CDC42BPB: variants seen among roughly 807,000 people sequenced by gnomAD.
CDC42BPB encodes the protein serine/threonine-protein kinase MRCK beta.
Under a neutral mutation model 214.9 loss-of-function variants are expected in CDC42BPB, and 37 were observed. That is an observed-to-expected ratio of 0.17 (90% CI 0.13 to 0.23). CDC42BPB has a LOEUF of 0.23. Among genes scored for constraint, CDC42BPB ranks in the 10% least tolerant of loss-of-function variants. CDC42BPB has a pLI of 1.00. For synonymous variants in CDC42BPB, 931 were observed against 884.0 expected (o/e 1.05, Z -0.94); for missense variants, 1,694 against 2,227.0 (o/e 0.76, Z 4.82).
chr14:103,053,606 A>AC lies in CDC42BPB; in HGVS notation c.175+3392_175+3393insG, dbSNP rs1491301437. On this transcript the variant is annotated intron_variant, in intron 1 of 36. Transcript: ENST00000361246. Reference sequence around the variant, plus strand: ...GAAACCCCGTCTCTACTAAAAATACAAAAAAATTAGCCAGGCGTGATGGCG... The same window carrying AC: ...GAAACCCCGTCTCTACTAAAAATACACAAAAAATTAGCCAGGCGTGATGGCG... 1.5e-5 allele frequency among the ~76,000 whole-genome samples: 2 copies of AC among 136,158 alleles called. 1 individual carries two copies. Among genetic ancestry groups the AC allele is most frequent in the African/African-American group, 5.4e-5 (2 of 37,300 alleles). The allele number at this position is 136,158 out of a possible 152,430, so 89.3% of individuals were successfully genotyped here.
intron 11 of CDC42BPB, 57 bp downstream of exon 11, chr14:102,975,627 T>C: frequency 6.4e-7 from 1 of 1,555,894 alleles, no homozygotes; most frequent in Non-Finnish European, 8.8e-7. Flanking sequence ...GAAATTCCCT[T>C]TTAAGACAGT....
intron 19 of CDC42BPB, 114 bp downstream of exon 19, chr14:102,964,388 A>G (rs1248187467): frequency 7.8e-7 from 1 of 1,287,988 alleles, no homozygotes; most frequent in Non-Finnish European, 1.1e-6. Context: ...GCTCCAGCAA[A>G]CGCCGTGGCC....
At chr14:103,053,371 A>T (rs547320468) in intron 1 of CDC42BPB, among the ~76,000 whole-genome samples, 2 of 151,614 alleles carry the variant, frequency 1.3e-5, no homozygotes, top group South Asian at 4.2e-4. Context: ...AGAAAAGAAA[A>T]GAATACACAC....
In CDC42BPB at chr14:102,975,975, C is replaced by T. The variant is rs377230665; in HGVS notation, c.1295G>A (p.Arg432Gln). The change falls in exon 10 of 37, where the codon CGG becomes CAG. Residue 432 changes from arginine (R) to glutamine (Q), a missense_variant. Arg to Gln is a conservative substitution (Grantham distance 43, BLOSUM62 1). Coordinates refer to ENST00000361246, the MANE Select transcript of CDC42BPB (RefSeq NM_006035.4). ...NTLTKDEDVQRDLEHSLQMEA... is the reference protein window; with the variant it reads ...NTLTKDEDVQQDLEHSLQMEA... ...CATCTGCAGGCTGTGCTCCAGGTCC[C>T]GCTGCACATCCTCATCTTTGGTTAA... is the stretch of plus-strand genomic sequence containing the variant. 23 of 1,614,078 alleles carry T rather than the reference C, an allele frequency of 1.4e-5. No individual in the cohort carries two copies. The highest frequency in any genetic ancestry group is 6.7e-5 in the East Asian group (3 of 44,896).
Position 102,971,967 on chromosome 14 carries a change from C to T in CDC42BPB, c.1836G>A (p.Val612=), listed in dbSNP as rs1314300349. ...EEEMEVATQK[V]DAMRQEMRRA... ...TCCGCATTTCCTGCCGCATGGCGTC[C>T]ACCTTCTGCGTGGCCACCTCCATCT... is the stretch of plus-strand genomic sequence containing the variant. The change falls in exon 13 of 37, where the codon GTG becomes GTA. Residue 612 remains valine, a synonymous_variant. Transcript: ENST00000361246. 1.4e-5 allele frequency: 22 copies of T among 1,614,140 alleles called. No individual in the cohort carries two copies. The highest frequency in any genetic ancestry group is 1.9e-5 in the Non-Finnish European group (22 of 1,180,054).
Position 102,989,611 on chromosome 14 carries a change from G to A in CDC42BPB, c.597-3031C>T, listed in dbSNP as rs181759077. ...GAGCAGGCCGGGTGCGATGGCTCACGCCTGTAATCCCAACACTTTGGGAGG... is the reference window on the plus strand; with the variant it reads ...GAGCAGGCCGGGTGCGATGGCTCACACCTGTAATCCCAACACTTTGGGAGG... On this transcript the variant is annotated intron_variant, in intron 5 of 36. Transcript: ENST00000361246. 7.9e-5 allele frequency among the ~76,000 whole-genome samples: 12 copies of A among 152,272 alleles called. 1 individual carries two copies. Among genetic ancestry groups the A allele is most frequent in the African/African-American group, 2.4e-4 (10 of 41,562 alleles).
chr14:103,013,940 C>T lies in CDC42BPB; in HGVS notation c.176-1752G>A, dbSNP rs563234779. 1.1e-4 allele frequency among the ~76,000 whole-genome samples: 17 copies of T among 152,168 alleles called. No individual in the cohort carries two copies. In the South Asian group the frequency reaches 1.5e-3, roughly 13 times the overall value. On this transcript the variant is annotated intron_variant, in intron 1 of 36. Coordinates refer to ENST00000361246, the MANE Select transcript of CDC42BPB (RefSeq NM_006035.4). ...CGGCACTTTGGGAGGCCGAGGCGGG[C>T]GGATCACGAGGTCAGGAGATCAAGA...
intron 2 of CDC42BPB, among the ~76,000 whole-genome samples, chr14:103,010,818 T>A (rs1815857092): frequency 6.6e-6 from 1 of 152,108 alleles, no homozygotes; most frequent in African/African-American, 2.4e-5. Flanking sequence ...GATCACGAGG[T>A]CAGGAGATCA....
At position 103,003,999 on chromosome 14, in the gene CDC42BPB, C is replaced by T. The variant is rs781414650; in HGVS notation, c.376G>A (p.Asp126Asn). 2.1e-5 allele frequency: 34 copies of T among 1,607,476 alleles called. No homozygotes were observed. Among genetic ancestry groups the T allele is most frequent in the South Asian group, 9.9e-5 (9 of 90,816 alleles). The change falls in exon 4 of 37, where the codon GAT becomes AAT. Residue 126 changes from aspartate (D) to asparagine (N), a missense_variant. Physicochemically the swap from Asp to Asn is conservative, Grantham distance 23 (BLOSUM62 1). Coordinates refer to ENST00000361246, the MANE Select transcript of CDC42BPB (RefSeq NM_006035.4). ...TGGCAGTCGCCGTTCACCAGCACATCGCGCTCCTCTCGGAAGCACGCGGTC... is the reference window on the plus strand; with the variant it reads ...TGGCAGTCGCCGTTCACCAGCACATTGCGCTCCTCTCGGAAGCACGCGGTC... ...AETACFREER[D>N]VLVNGDCQWI...
chr14:102,966,653 C>T (rs1024610564), intron 17 of CDC42BPB: 16 of 290,416 alleles, frequency 5.5e-5, no homozygotes, highest in African/African-American at 2.0e-4. Context: ...ATACCTACTA[C>T]GCACCCACAA....
chr14:102,968,139 C>CTGG lies in CDC42BPB; in HGVS notation c.2346+113_2346+114insCCA, dbSNP rs146038573. The CTGG allele has an allele frequency of 4.0e-3, 2,791 of 690,058 alleles. 67 individuals carry two copies. In the African/African-American group the frequency reaches 0.046, roughly 11 times the overall value. The allele number at this position is 690,058 out of a possible 1,614,324, so 42.7% of individuals were successfully genotyped here. On this transcript the variant is annotated intron_variant, in intron 16 of 36. Transcript: ENST00000361246. ...TCCAAGACTCAAGAATGACGACATT[C>CTGG]TACTCCCCCATAAATATATATACCT...
At chr14:102,965,375 TCCTA>T (rs1266268854) in intron 18 of CDC42BPB, among the ~76,000 whole-genome samples, 3 of 148,034 alleles carry the variant, frequency 2.0e-5, no homozygotes, top group African/African-American at 5.0e-5. Flanking sequence ...CATTACTCAT[TCCTA>T]CCTGTGATTA....
intron 1 of CDC42BPB, among the ~76,000 whole-genome samples, chr14:103,050,622 CG>C (rs1888545611): frequency 7.1e-6 from 1 of 140,010 alleles, no homozygotes; most frequent in Non-Finnish European, 1.7e-5. Flanking sequence ...CCAGGTGTAG[CG>C]GTGTATGCCT....
chr14:103,041,988 C>A, intron 1 of CDC42BPB: 1 of 326,442 alleles, frequency 3.1e-6, no homozygotes. Context: ...AGAAGAATTT[C>A]AAAGCCTTCG....
intron 1 of CDC42BPB, among the ~76,000 whole-genome samples, chr14:103,019,773 C>T (rs193257386): frequency 1.3e-5 from 2 of 152,310 alleles, no homozygotes; most frequent in African/African-American, 2.4e-5. Context: ...CCTCCTACCC[C>T]GAACTGTCCC....
chr14:102,955,095 A>G (rs907847187), intron 21 of CDC42BPB, among the ~76,000 whole-genome samples: 12 of 152,202 alleles, frequency 7.9e-5, no homozygotes, highest in African/African-American at 2.2e-4. Flanking sequence ...ACCTTTATTC[A>G]TAAGTAATGT....
At position 102,949,384 on chromosome 14, in the gene CDC42BPB, C is replaced by A. The variant is rs1017737406; in HGVS notation, c.3449+381G>T. ...TCCAGACTTCTTCCACACACCAGCA[C>A]CTGCTGCGGTCTCTAAAACGCACAG... On this transcript the variant is annotated intron_variant, in intron 26 of 36. Transcript: ENST00000361246. Among the ~76,000 whole-genome samples the A allele has an allele frequency of 1.8e-4, 27 of 152,220 alleles. 1 individual carries two copies. The highest frequency in any genetic ancestry group is 1.4e-3 in the Admixed American group (22 of 15,296).
chr14:103,056,868 G>A (rs1288348836), intron 1 of CDC42BPB, 131 bp downstream of exon 1: 3 of 578,562 alleles, frequency 5.2e-6, no homozygotes, highest in Non-Finnish European at 8.1e-6. Flanking sequence ...GAGAGGAGGC[G>A]AAGCCCACGA....
chr14:103,053,557 C>T (rs186597691), intron 1 of CDC42BPB, among the ~76,000 whole-genome samples: 1,980 of 151,368 alleles, frequency 0.013, 17 homozygotes, highest in Non-Finnish European at 0.017. Flanking sequence ...GTCTGGAGAT[C>T]GAGACCATCC....
Sources: allele counts gnomAD v4.1 joint callset (sites outside exome capture counted in the v4.1 genomes callset), GRCh38; gene constraint gnomAD v4.1.1; transcripts MANE v1.5; gene names NCBI Gene and HGNC (gene_info 2026-07-23, HGNC 2026-07-21).